Variants in ENTREP2 observed in about 807,000 individuals in gnomAD.
ENTREP2 encodes endosomal transmembrane epsin interactor 2, also known as protein ENTREP2.
chr15:29,612,233 C>T, the ENTREP2 span, among the ~76,000 whole-genome samples: 1 of 152,270 alleles, frequency 6.6e-6, no homozygotes, highest in African/African-American at 2.4e-5. Context: ...TCTTTCATTA[C>T]AAGAAGCTCT....
chr15:29,392,523 T>C, the ENTREP2 span, among the ~76,000 whole-genome samples: 1 of 152,192 alleles, frequency 6.6e-6, no homozygotes, highest in Admixed American at 6.5e-5. Flanking sequence ...TTGAAACTAT[T>C]ATTCCACTGT....
the ENTREP2 span, among the ~76,000 whole-genome samples, chr15:29,669,195 G>A: frequency 0.087 from 13,257 of 152,196 alleles, 902 homozygotes; most frequent in African/African-American, 0.19. Context: ...GCAACAGAGC[G>A]AGACTCCATC....
At chr15:29,361,799 C>T in the ENTREP2 span, among the ~76,000 whole-genome samples, 2 of 152,218 alleles carry the variant, frequency 1.3e-5, no homozygotes, top group Non-Finnish European at 2.9e-5. Context: ...CAGGGTTAGA[C>T]ACTTACAGGT....
the ENTREP2 span, chr15:29,126,515 T>C: frequency 6.5e-7 from 1 of 1,544,906 alleles, no homozygotes; most frequent in East Asian, 2.4e-5. Context: ...GACATGGCAT[T>C]AGAGTGGGCG....
chr15:29,276,919 GA>G, the ENTREP2 span, among the ~76,000 whole-genome samples: 843 of 152,318 alleles, frequency 5.5e-3, 32 homozygotes, highest in Admixed American at 0.043. Flanking sequence ...GAGGTGAATT[GA>G]AAACAATATG....
chr15:29,479,495 C>A, the ENTREP2 span, among the ~76,000 whole-genome samples: 1 of 152,056 alleles, frequency 6.6e-6, no homozygotes, highest in Non-Finnish European at 1.5e-5. Flanking sequence ...TCAGCACCAG[C>A]CACACATCAG....
At chr15:29,158,163 T>C in the ENTREP2 span, among the ~76,000 whole-genome samples, 1 of 152,348 alleles carries the variant, frequency 6.6e-6, no homozygotes, top group Non-Finnish European at 1.5e-5. Flanking sequence ...ATTTCGCATA[T>C]GCTACCAAAT....
the ENTREP2 span, among the ~76,000 whole-genome samples, chr15:29,639,085 T>G: frequency 1.3e-5 from 2 of 152,384 alleles, no homozygotes; most frequent in South Asian, 2.1e-4. Flanking sequence ...CAACCTTGAT[T>G]TGTAACTTAT....
chr15:29,176,539 G>A, the ENTREP2 span, among the ~76,000 whole-genome samples: 1 of 152,178 alleles, frequency 6.6e-6, no homozygotes, highest in Non-Finnish European at 1.5e-5. Flanking sequence ...ACCAGACAAA[G>A]GATAAAATGG....
the ENTREP2 span, among the ~76,000 whole-genome samples, chr15:29,462,357 C>T: frequency 2.0e-5 from 3 of 152,026 alleles, no homozygotes; most frequent in Non-Finnish European, 4.4e-5. Flanking sequence ...ACCTGTAATC[C>T]CAGCACTTTG....
the ENTREP2 span, chr15:29,124,643 C>T: frequency 6.6e-7 from 1 of 1,518,770 alleles, no homozygotes; most frequent in Non-Finnish European, 8.9e-7. Flanking sequence ...CGCCCCACCT[C>T]CCAGCAGGCG....
At chr15:29,635,250 C>T in the ENTREP2 span, among the ~76,000 whole-genome samples, 2 of 152,162 alleles carry the variant, frequency 1.3e-5, no homozygotes, top group Non-Finnish European at 2.9e-5. Flanking sequence ...ACCCTCTAAT[C>T]CTGCCTAGGT....
chr15:29,236,889 A>C, the ENTREP2 span, among the ~76,000 whole-genome samples: 6 of 152,058 alleles, frequency 3.9e-5, no homozygotes, highest in Admixed American at 2.6e-4. Flanking sequence ...AAAAAGAAGG[A>C]AGGAAGGAAG....
At chr15:29,386,938 T>C in the ENTREP2 span, among the ~76,000 whole-genome samples, 11 of 152,342 alleles carry the variant, frequency 7.2e-5, no homozygotes, top group South Asian at 1.2e-3. Context: ...ATCATGTCAT[T>C]TGCAAACAGG....
the ENTREP2 span, among the ~76,000 whole-genome samples, chr15:29,514,462 T>A: frequency 1.3e-5 from 2 of 152,374 alleles, no homozygotes; most frequent in East Asian, 3.9e-4. Context: ...CATCTACTGA[T>A]GGACACTTGG....
the ENTREP2 span, among the ~76,000 whole-genome samples, chr15:29,531,671 C>CA: frequency 6.6e-6 from 1 of 152,116 alleles, no homozygotes; most frequent in East Asian, 1.9e-4. Context: ...TTATGGAAAG[C>CA]AAAATTGTTT....
the ENTREP2 span, among the ~76,000 whole-genome samples, chr15:29,218,367 T>C: frequency 6.6e-6 from 1 of 152,258 alleles, no homozygotes; most frequent in African/African-American, 2.4e-5. Flanking sequence ...GTAGAATCAA[T>C]ATTGTGAAAA....
At chr15:29,525,047 T>C in the ENTREP2 span, among the ~76,000 whole-genome samples, 1 of 152,224 alleles carries the variant, frequency 6.6e-6, no homozygotes, top group Non-Finnish European at 1.5e-5. Context: ...TGGTTGGGTG[T>C]GAGCTGAGTT....
At chr15:29,174,427 G>A in the ENTREP2 span, among the ~76,000 whole-genome samples, 2 of 152,294 alleles carry the variant, frequency 1.3e-5, no homozygotes, top group South Asian at 4.1e-4. Context: ...GGTGGCTCAC[G>A]CCTGTAATCC....
Sources: allele counts gnomAD v4.1 joint callset (sites outside exome capture counted in the v4.1 genomes callset), GRCh38; gene constraint gnomAD v4.1.1; transcripts MANE v1.5; gene names NCBI Gene and HGNC (gene_info 2026-07-23, HGNC 2026-07-21).